RBM47: variants seen among roughly 807,000 people sequenced by gnomAD.
RBM47 encodes the protein RNA binding motif protein 47, also known as RNA-binding protein 47.
Under a neutral mutation model 47.1 loss-of-function variants are expected in RBM47, and 21 were observed. The observed-to-expected ratio is 0.45, with a 90% CI of 0.32 to 0.64. RBM47 has a LOEUF of 0.64. RBM47 is among the 30% of genes least tolerant of loss of function. The pLI, the probability that RBM47 is intolerant of heterozygous loss-of-function variation, is 0.05. For synonymous variants in RBM47, 375 were observed against 361.7 expected, an observed-to-expected ratio of 1.04 and a Z score of -0.42; for missense variants, 708 against 870.9, an observed-to-expected ratio of 0.81 and a Z score of 2.35.
At chr4:40,593,883 C>CAA (rs34280289) in intron 1 of RBM47, among the ~76,000 whole-genome samples, 36,903 of 115,898 alleles carry the variant, frequency 0.32, 6,237 homozygotes, top group African/African-American at 0.44. Flanking sequence ...GACTCTGTCT[C>CAA]AAAAAAAAAA....
Position 40,438,485 on chromosome 4 carries a change from G to T in RBM47, c.409C>A (p.Arg137Ser). Residue 137 changes from arginine (R) to serine (S), a missense_variant, in exon 4 of 7, where the codon CGC becomes AGC. By Grantham distance (110) the Arg-to-Ser change is moderately radical. Coordinates refer to ENST00000295971, the MANE Select transcript of RBM47 (RefSeq NM_001098634.2). ...CACACGCCGAGCAGGCGGCCCGGGC[G>T]GATCTCGTAGTTGTTGAGCTCACGC... The part of the protein sequence containing the change: ...AVRELNNYEI[R>S]PGRLLGVCCS... The T allele has an allele frequency of 6.2e-7, 1 of 1,613,506 alleles. No individual in the cohort carries two copies. Among genetic ancestry groups the T allele is most frequent in the Non-Finnish European group, 8.5e-7 (1 of 1,179,898 alleles).
At chr4:40,457,109 GAATTTTAAAA>G (rs1716388013) in intron 3 of RBM47, among the ~76,000 whole-genome samples, 1 of 151,228 alleles carries the variant, frequency 6.6e-6, no homozygotes, top group Non-Finnish European at 1.5e-5. Context: ...ATAAAAGATA[GAATTTTAAAA>G]AATTTTAAAA....
At chr4:40,586,077 G>A (rs1733550569) in intron 1 of RBM47, among the ~76,000 whole-genome samples, 5 of 152,236 alleles carry the variant, frequency 3.3e-5, no homozygotes, top group Admixed American at 3.3e-4. Flanking sequence ...CCATGGGGCA[G>A]AAATCCATAA....
At chr4:40,578,882 C>T (rs1039292588) in intron 1 of RBM47, among the ~76,000 whole-genome samples, 6 of 152,238 alleles carry the variant, frequency 3.9e-5, no homozygotes, top group Non-Finnish European at 8.8e-5. Context: ...CTTTGGGAGG[C>T]CAGGGAGGGC....
chr4:40,588,475 AG>A (rs35189942), intron 1 of RBM47, among the ~76,000 whole-genome samples: 1 of 152,102 alleles, frequency 6.6e-6, no homozygotes. Context: ...TGTTAGGGTC[AG>A]GGAGCAAGCT....
intron 1 of RBM47, among the ~76,000 whole-genome samples, chr4:40,572,832 T>C (rs1731860163): frequency 6.6e-6 from 1 of 151,796 alleles, no homozygotes; most frequent in Non-Finnish European, 1.5e-5. Flanking sequence ...CATTTGAAAG[T>C]ACAATATATT....
chr4:40,427,592 C>T (rs1310038125), intron 6 of RBM47: 3 of 152,318 alleles, frequency 2.0e-5, no homozygotes, highest in Admixed American at 6.5e-5. Flanking sequence ...ATATTTGGTG[C>T]ACCTCATGAG....
At chr4:40,566,064 T>C (rs892528403) in intron 1 of RBM47, among the ~76,000 whole-genome samples, 3 of 151,202 alleles carry the variant, frequency 2.0e-5, no homozygotes, top group African/African-American at 7.3e-5. Flanking sequence ...CAAGACCCTG[T>C]CTCAACAACA....
chr4:40,523,060 G>T (rs1275207998), intron 2 of RBM47, among the ~76,000 whole-genome samples: 4 of 150,890 alleles, frequency 2.7e-5, no homozygotes, highest in African/African-American at 9.7e-5. Flanking sequence ...CTGCCTCCGG[G>T]GTTCAAGCGA....
At chr4:40,585,828 A>C (rs551210913) in intron 1 of RBM47, among the ~76,000 whole-genome samples, 8 of 152,320 alleles carry the variant, frequency 5.3e-5, no homozygotes, top group African/African-American at 1.9e-4. Context: ...AGCAAATATC[A>C]TATCTGGCAA....
intron 2 of RBM47, among the ~76,000 whole-genome samples, chr4:40,524,909 A>C (rs1726548453): frequency 6.6e-6 from 1 of 152,214 alleles, no homozygotes; most frequent in African/African-American, 2.4e-5. Context: ...CAAACGTTGT[A>C]AGCAAGCCAA....
intron 2 of RBM47, among the ~76,000 whole-genome samples, chr4:40,486,849 T>C (rs947042359): frequency 1.3e-5 from 2 of 152,200 alleles, no homozygotes; most frequent in African/African-American, 4.8e-5. Context: ...TCATTCTATG[T>C]CTCTGGGTAA....
chr4:40,583,873 A>G (rs1733271298), intron 1 of RBM47, among the ~76,000 whole-genome samples: 1 of 56,820 alleles, frequency 1.8e-5, no homozygotes, highest in Non-Finnish European at 4.1e-5. Context: ...AAAAAAAACA[A>G]AAAACAAAAA....
At chr4:40,437,131 TAA>T (rs1268485635) in intron 4 of RBM47, among the ~76,000 whole-genome samples, 34 of 91,096 alleles carry the variant, frequency 3.7e-4, no homozygotes, top group Admixed American at 1.5e-3. Context: ...TATATATATA[TAA>T]AATACATATA....
chr4:40,627,230 A>C (rs1324035268), intron 1 of RBM47, among the ~76,000 whole-genome samples: 1 of 152,202 alleles, frequency 6.6e-6, no homozygotes, highest in Non-Finnish European at 1.5e-5. Flanking sequence ...TAATGTCTTC[A>C]TTGTAACTTC....
At chr4:40,463,924 T>C (rs1466974567) in intron 3 of RBM47, among the ~76,000 whole-genome samples, 3 of 151,954 alleles carry the variant, frequency 2.0e-5, no homozygotes, top group African/African-American at 7.3e-5. Flanking sequence ...GGTGGGAAGG[T>C]GGGTAAAATT....
intron 1 of RBM47, among the ~76,000 whole-genome samples, chr4:40,597,246 C>G (rs1247425927): frequency 1.5e-5 from 2 of 131,022 alleles, no homozygotes; most frequent in African/African-American, 2.8e-5. Context: ...GGTGACAGAG[C>G]GAGATTCCAT....
intron 2 of RBM47, among the ~76,000 whole-genome samples, chr4:40,513,679 C>T (rs1212713084): frequency 6.6e-6 from 1 of 151,892 alleles, no homozygotes; most frequent in Non-Finnish European, 1.5e-5. Flanking sequence ...GTTTCAAAAA[C>T]ACAGAGTTGA....
chr4:40,461,561 G>A (rs187316218), intron 3 of RBM47, among the ~76,000 whole-genome samples: 40 of 152,292 alleles, frequency 2.6e-4, no homozygotes, highest in Middle Eastern at 3.4e-3. Flanking sequence ...ACCTAAACCA[G>A]TCCCTGTGAA....
Sources: allele counts gnomAD v4.1 joint callset (sites outside exome capture counted in the v4.1 genomes callset), GRCh38; gene constraint gnomAD v4.1.1; transcripts MANE v1.5; gene names NCBI Gene and HGNC (gene_info 2026-07-23, HGNC 2026-07-21).